The following SANBR variants were observed in gnomAD, a reference collection of about 807,000 sequenced individuals.
SANBR encodes SANT and BTB domain regulator of CSR.
In SANBR, 77 loss-of-function variants were observed where a neutral mutation model predicts 101.8. The ratio of observed to expected loss-of-function variants is 0.76; its 90% CI spans 0.63 to 0.91. The LOEUF (loss-of-function observed/expected upper bound fraction) is 0.91. Among genes scored for constraint, SANBR ranks in the 40% least tolerant of loss-of-function variants. The pLI, the probability that SANBR is intolerant of heterozygous loss-of-function variation, is 0.00. For missense variants in SANBR, 875 were observed against 853.0 expected (o/e 1.03, Z -0.32); for synonymous variants, 279 against 274.7 (o/e 1.02, Z -0.15).
At chr2:61,120,690 A>G (rs1379920796) in intron 20 of SANBR, among the ~76,000 whole-genome samples, 2 of 152,214 alleles carry the variant, frequency 1.3e-5, no homozygotes, top group Non-Finnish European at 2.9e-5. Flanking sequence ...GCACCACTGC[A>G]CTCCAGCCTG....
At chr2:61,082,575 A>T (rs1682191216) in intron 7 of SANBR, among the ~76,000 whole-genome samples, 1 of 152,218 alleles carries the variant, frequency 6.6e-6, no homozygotes. Context: ...TAATCCTAGC[A>T]CTTGGGAGGC....
chr2:61,070,785 GT>G lies in SANBR; in HGVS notation c.150+292del, dbSNP rs1173378751. Among the ~76,000 whole-genome samples the G allele has an allele frequency of 7.5e-5, 11 of 147,586 alleles. 1 individual carries two copies. In the Admixed American group the frequency reaches 7.5e-4, roughly 10 times the overall value. On this transcript the variant is annotated intron_variant, in intron 3 of 21. Coordinates refer to ENST00000402291, the MANE Select transcript of SANBR (RefSeq NM_001129993.3). ...TATATATATATTTGTTGTTGTTTTT[GT>G]TTTTTTGAGGCAGGATCTCTCTATC...
chr2:61,084,618 G>A (rs1277058150), intron 8 of SANBR, among the ~76,000 whole-genome samples: 1 of 152,080 alleles, frequency 6.6e-6, no homozygotes, highest in Non-Finnish European at 1.5e-5. Flanking sequence ...ATGAAACGAG[G>A]TCAGCAGTGG....
chr2:61,128,875 T>A (rs780652516), downstream of SANBR, among the ~76,000 whole-genome samples: 3 of 151,922 alleles, frequency 2.0e-5, no homozygotes, highest in African/African-American at 4.8e-5. Flanking sequence ...GGTGGGAGGA[T>A]CACTTGAGCC....
chr2:61,099,838 G>T (rs909240206), intron 12 of SANBR, among the ~76,000 whole-genome samples: 3 of 152,152 alleles, frequency 2.0e-5, no homozygotes, highest in African/African-American at 7.2e-5. Flanking sequence ...ATTAAAGAAA[G>T]AGTGGACTGT....
rs1682697360 is a variant in SANBR, at chr2:61,090,665, C to A, written c.1089-1799C>A. On this transcript the variant is annotated intron_variant, in intron 10 of 21. Transcript: ENST00000402291. ...CTCCTGAGCTAGGACCATGGGTGTG[C>A]ATCACCATGCCTGGCAACCTGGCAA... 3 of 153,466 alleles carry A rather than the reference C, an allele frequency of 2.0e-5. No homozygotes were observed. The Admixed American group carries it at 2.0e-4, about 10-fold the overall frequency. 9.5% of individuals were successfully genotyped at this position (153,466 alleles called of 1,614,324 possible).
downstream of SANBR, among the ~76,000 whole-genome samples, chr2:61,126,244 T>C (rs1396334475): frequency 6.6e-6 from 1 of 152,220 alleles, no homozygotes; most frequent in Non-Finnish European, 1.5e-5. Context: ...CTTATTCTTC[T>C]CTTTTCTTCA....
At position 61,083,255 on chromosome 2, in the gene SANBR, T is replaced by C; in HGVS notation, c.831T>C (p.Ala277=). Residue 277 remains alanine (A), a synonymous_variant, in exon 8 of 22, where the codon GCT becomes GCC. Transcript: ENST00000402291. The part of the protein sequence containing the change: ...CINANLLTRI[A]DLFSHNEVDD... The stretch of plus-strand genomic sequence containing the variant: ...ATGCAAATCTTCTCACACGTATAGC[T>C]GATCTGTTCTCACACAATGAAGTTG... The C allele has an allele frequency of 6.2e-7, 1 of 1,611,008 alleles. No individual in the cohort carries two copies. The highest frequency in any genetic ancestry group is 8.5e-7 in the Non-Finnish European group (1 of 1,177,236).
chr2:61,070,933 G>C (rs528508606), intron 3 of SANBR, among the ~76,000 whole-genome samples: 1 of 151,470 alleles, frequency 6.6e-6, no homozygotes, highest in Admixed American at 6.6e-5. Flanking sequence ...CGTTGCCCAG[G>C]CTGGTCTTGA....
intron 6 of SANBR, among the ~76,000 whole-genome samples, chr2:61,079,975 A>C (rs1682012404): frequency 6.6e-6 from 1 of 151,420 alleles, no homozygotes; most frequent in Non-Finnish European, 1.5e-5. Context: ...AGGCGGACGG[A>C]TCACCTGAGG....
chr2:61,081,605 T>C, intron 7 of SANBR, 95 bp downstream of exon 7: 1 of 1,254,752 alleles, frequency 8.0e-7, no homozygotes, highest in South Asian at 1.5e-5. Flanking sequence ...TTATTAAAAT[T>C]ATTGTTAATT....
chr2:61,076,256 G>C (rs532808313), intron 5 of SANBR, among the ~76,000 whole-genome samples: 2 of 149,846 alleles, frequency 1.3e-5, no homozygotes, highest in South Asian at 4.3e-4. Context: ...GCCTCCCAAA[G>C]TGCTGGGATT....
chr2:61,134,339 G>A lies in SANBR; in HGVS notation c.*44+63G>A, dbSNP rs554983230. 334 of 1,462,182 alleles carry A rather than the reference G, an allele frequency of 2.3e-4. No homozygotes were observed. The African/African-American group carries it at 4.3e-3, about 19-fold the overall frequency. 90.6% of individuals were successfully genotyped at this position (1,462,182 alleles called of 1,614,324 possible). A position where few individuals can be genotyped will look rare whatever the true frequency, so the allele number is the denominator to read the frequency against. ...ACATGAAAGACTTTTAGAAATAACT[G>A]TATTGTGCTTATTCCCATTTTTGGC... On this transcript the variant is annotated intron_variant, in intron 21 of 21. Coordinates refer to the SANBR transcript ENST00000295031.
At chr2:61,122,031 C>A (rs1684351089) in intron 21 of SANBR, 95 bp from the exon 22 acceptor site, 3 of 1,477,866 alleles carry the variant, frequency 2.0e-6, no homozygotes, top group Admixed American at 2.5e-5. Context: ...ATTTATTAAA[C>A]CTTGATGTTG....
At chr2:61,133,029 ATCACTTGAGGTCGGGAGG>A (rs1472253087) in intron 20 of SANBR, among the ~76,000 whole-genome samples, 2 of 152,160 alleles carry the variant, frequency 1.3e-5, no homozygotes, top group African/African-American at 4.8e-5. Context: ...AGGCGGGTGG[ATCACTTGAGGTCGGGAGG>A]TCAAGACCAG....
chr2:61,077,414 A>G (rs1028785772), intron 6 of SANBR, among the ~76,000 whole-genome samples: 2 of 152,130 alleles, frequency 1.3e-5, no homozygotes, highest in African/African-American at 4.8e-5. Flanking sequence ...ACCCTTTTAG[A>G]GGGTCTACAA....
chr2:61,077,181 A>G, intron 6 of SANBR, 23 bp downstream of exon 6: 1 of 1,520,072 alleles, frequency 6.6e-7, no homozygotes, highest in Non-Finnish European at 9.1e-7. Context: ...CTGTTGCTTA[A>G]TTTGTAGTGA....
chr2:61,123,583 AG>A lies in SANBR; in HGVS notation c.*1422del, dbSNP rs1684418181. The A allele has an allele frequency of 7.2e-6, 7 of 977,918 alleles. No homozygotes were observed. Among genetic ancestry groups the A allele is most frequent in the Non-Finnish European group, 8.5e-6 (7 of 823,052 alleles). 60.6% of individuals were successfully genotyped at this position (977,918 alleles called of 1,614,324 possible). ...ATATGTAAGTACTCTGTTAAATACC[AG>A]AGTTTTTTTTGTAGTTTACTGTGTT... On this transcript the variant is annotated 3_prime_UTR_variant, in exon 22 of 22. Transcript: ENST00000402291.
downstream of SANBR, among the ~76,000 whole-genome samples, chr2:61,127,887 C>CT (rs112370999): frequency 1.3e-3 from 191 of 152,230 alleles, no homozygotes; most frequent in African/African-American, 4.4e-3. Context: ...TCAACAAACT[C>CT]TAAGAGGTTA....
Sources: gnomAD v4.1 joint callset for allele counts (sites outside exome capture counted in the v4.1 genomes callset) on GRCh38, gnomAD v4.1.1 for gene constraint, MANE v1.5 for transcripts, NCBI Gene and HGNC (gene_info 2026-07-23, HGNC 2026-07-21) for gene names.